The following TK2 variants were observed in gnomAD, a reference collection of about 807,000 sequenced individuals.
TK2 encodes thymidine kinase 2, mitochondrial.
In TK2, 35 loss-of-function variants were observed where a neutral mutation model predicts 41.9. The observed-to-expected ratio is 0.84, with a 90% CI of 0.64 to 1.11. The LOEUF is 1.11. TK2 is among the 50% of genes least tolerant of loss of function. The pLI is 0.00. For missense variants in TK2, 320 were observed against 351.1 expected (o/e 0.91, Z 0.71); for synonymous variants, 128 against 129.1 (o/e 0.99, Z 0.06).
intron 4 of TK2, among the ~76,000 whole-genome samples, chr16:66,534,932 C>T (rs1965228850): frequency 6.6e-6 from 1 of 152,238 alleles, no homozygotes; most frequent in Admixed American, 6.5e-5. Context: ...ATCCTCTGAT[C>T]TTGGCCTCCC....
At chr16:66,528,714 C>T (rs192868494) in intron 6 of TK2, among the ~76,000 whole-genome samples, 158 of 152,268 alleles carry the variant, frequency 1.0e-3, no homozygotes, top group African/African-American at 3.7e-3. Flanking sequence ...TCCAGTCACC[C>T]TTGCTTAGGC....
Position 66,517,313 on chromosome 16 carries a change from G to A in TK2, c.539-98C>T, listed in dbSNP as rs1344995137. 4.9e-6 allele frequency: 5 copies of A among 1,030,546 alleles called. No individual in the cohort carries two copies. Among genetic ancestry groups the A allele is most frequent in the African/African-American group, 1.6e-5 (1 of 63,554 alleles). The allele number at this position is 1,030,546 out of a possible 1,614,324, so 63.8% of individuals were successfully genotyped here. ...GGCGGGAGGAAGGTCTGCACAGCTC[G>A]AGCAGGAAGCAGGGAGGGCCAGCTC... On this transcript the variant is annotated intron_variant, in intron 7 of 9. Transcript: ENST00000544898. This position sits in a 1 kb window ranked among gnomAD's most constrained non-coding sequence, Gnocchi z 4.3.
In TK2 at chr16:66,535,990, G is replaced by A. The variant is rs140222995; in HGVS notation, c.285+974C>T. Among the ~76,000 whole-genome samples the A allele has an allele frequency of 1.4e-4, 22 of 152,132 alleles. No homozygotes were observed. In the East Asian group the frequency reaches 4.1e-3, roughly 28 times the overall value. ...GAGGCTGAGGTGGGTGGCTCATGAG[G>A]GTCAGGAGATGGAGACCATCCTGGC... On this transcript the variant is annotated intron_variant, in intron 4 of 9. Coordinates refer to ENST00000544898, the MANE Select transcript of TK2 (RefSeq NM_004614.5).
chr16:66,508,096 C>T lies in TK2; in HGVS notation c.*3872G>A, dbSNP rs1356879930. 1.3e-5 allele frequency: 2 copies of T among 152,138 alleles called. No homozygotes were observed. Among genetic ancestry groups the T allele is most frequent in the Non-Finnish European group, 2.9e-5 (2 of 68,034 alleles). 9.4% of individuals were successfully genotyped at this position (152,138 alleles called of 1,614,324 possible). On this transcript the variant is annotated 3_prime_UTR_variant, in exon 10 of 10. Coordinates refer to ENST00000544898, the MANE Select transcript of TK2 (RefSeq NM_004614.5). The stretch of plus-strand genomic sequence containing the variant: ...AATGATTAACCATCTCCCAGGACAC[C>T]TGTGTTCCACAGAGCCCAGTCTGGT...
chr16:66,535,942 C>T lies in TK2; in HGVS notation c.285+1022G>A, dbSNP rs529811559. On this transcript the variant is annotated intron_variant, in intron 4 of 9. Coordinates refer to ENST00000544898, the MANE Select transcript of TK2 (RefSeq NM_004614.5). Reference sequence around the variant, plus strand: ...GGGCATGGCCGGGCACAGTGGCTCACGCCCGTAATCCCAGCACTTTGGGAG... The same window carrying T: ...GGGCATGGCCGGGCACAGTGGCTCATGCCCGTAATCCCAGCACTTTGGGAG... Among the ~76,000 whole-genome samples the T allele has an allele frequency of 6.6e-5, 10 of 152,286 alleles. No homozygotes were observed. The South Asian group carries it at 2.1e-3, about 32-fold the overall frequency.
At chr16:66,549,214 G>A (rs984009750) in intron 1 of TK2, 5 of 1,436,502 alleles carry the variant, frequency 3.5e-6, no homozygotes, top group Admixed American at 2.9e-5. Context: ...CAGCTTCGTG[G>A]ACCCCCAGTG....
chr16:66,542,814 G>T (rs1175370984), intron 2 of TK2, among the ~76,000 whole-genome samples: 1 of 152,184 alleles, frequency 6.6e-6, no homozygotes, highest in East Asian at 1.9e-4. Flanking sequence ...ATCTCTACAG[G>T]GATGCCACAG....
chr16:66,511,799 G>A lies in TK2; in HGVS notation c.*169C>T. 2.9e-6 allele frequency: 2 copies of A among 681,448 alleles called. No homozygotes were observed. The highest frequency in any genetic ancestry group is 2.6e-6 in the Non-Finnish European group (1 of 378,372). The allele number at this position is 681,448 out of a possible 1,614,324, so 42.2% of individuals were successfully genotyped here. A position where few individuals can be genotyped will look rare whatever the true frequency, so the allele number is the denominator to read the frequency against. ...GGTCCCGTTTGTCATTTACCCACGA[G>A]GGCCAGAGACGCATGACAAAGACAC... is the stretch of plus-strand genomic sequence containing the variant. On this transcript the variant is annotated 3_prime_UTR_variant, in exon 10 of 10. Coordinates refer to ENST00000544898, the MANE Select transcript of TK2 (RefSeq NM_004614.5).
At position 66,510,120 on chromosome 16, in the gene TK2, G is replaced by A. The variant is rs1021485645; in HGVS notation, c.*1848C>T. 4.0e-5 allele frequency: 6 copies of A among 151,604 alleles called. No individual in the cohort carries two copies. Among genetic ancestry groups the A allele is most frequent in the African/African-American group, 7.3e-5 (3 of 41,238 alleles). 9.4% of individuals were successfully genotyped at this position (151,604 alleles called of 1,614,324 possible). A position where few individuals can be genotyped will look rare whatever the true frequency, so the allele number is the denominator to read the frequency against. On this transcript the variant is annotated 3_prime_UTR_variant, in exon 10 of 10. Coordinates refer to ENST00000544898, the MANE Select transcript of TK2 (RefSeq NM_004614.5). The stretch of plus-strand genomic sequence containing the variant: ...AGGAAGCACTTCAAAATCAACAACA[G>A]GGCTTAGGTGAAGGAGTTATTGGGT...
chr16:66,542,527 G>A (rs748838255), intron 2 of TK2, among the ~76,000 whole-genome samples: 20 of 152,190 alleles, frequency 1.3e-4, no homozygotes, highest in Admixed American at 3.9e-4. Flanking sequence ...ACCTGAGAAG[G>A]GTAAGTCCTA....
At chr16:66,549,163 G>A (rs1965700955) in intron 1 of TK2, 154 bp from the exon 2 acceptor site, 3 of 1,503,180 alleles carry the variant, frequency 2.0e-6, no homozygotes, top group African/African-American at 2.8e-5. Context: ...TTGGAGGCGC[G>A]CACCACCGTC....
At position 66,511,396 on chromosome 16, in the gene TK2, A is replaced by G. The variant is rs978870147; in HGVS notation, c.*572T>C. 5.2e-6 allele frequency: 1 copy of G among 193,578 alleles called. No individual in the cohort carries two copies. The highest frequency in any genetic ancestry group is 9.4e-5 in the South Asian group (1 of 10,676). 12.0% of individuals were successfully genotyped at this position (193,578 alleles called of 1,614,324 possible). A position where few individuals can be genotyped will look rare whatever the true frequency, so the allele number is the denominator to read the frequency against. ...TCCGCACACTGCCAGCTCTCCCCAA[A>G]GAGACATGAGAGCCTCCAACCGGAA... On this transcript the variant is annotated 3_prime_UTR_variant, in exon 10 of 10. Coordinates refer to ENST00000544898, the MANE Select transcript of TK2 (RefSeq NM_004614.5).
intron 6 of TK2, among the ~76,000 whole-genome samples, chr16:66,528,636 G>A (rs1345701146): frequency 6.6e-6 from 1 of 152,176 alleles, no homozygotes. Context: ...CGTGAGAAGT[G>A]GACACCTGGG....
intron 2 of TK2, among the ~76,000 whole-genome samples, chr16:66,543,233 C>A (rs998078662): frequency 2.0e-5 from 3 of 152,194 alleles, no homozygotes; most frequent in African/African-American, 7.2e-5. Flanking sequence ...AGGATGGGAA[C>A]CACGAGGCTG....
At position 66,508,722 on chromosome 16, in the gene TK2, C is replaced by A. The variant is rs1964362678; in HGVS notation, c.*3246G>T. ...CATGTCTGCAGGAAGATTGTTCTGA[C>A]TGATATATTCCCCAGGCGGGGGGAC... On this transcript the variant is annotated 3_prime_UTR_variant, in exon 10 of 10. Coordinates refer to ENST00000544898, the MANE Select transcript of TK2 (RefSeq NM_004614.5). The A allele has an allele frequency of 6.6e-6, 1 of 152,254 alleles. No individual in the cohort carries two copies. Among genetic ancestry groups the A allele is most frequent in the South Asian group, 2.1e-4 (1 of 4,832 alleles). 9.4% of individuals were successfully genotyped at this position (152,254 alleles called of 1,614,324 possible).
chr16:66,521,989 T>G (rs907454095), intron 6 of TK2, among the ~76,000 whole-genome samples: 1 of 152,184 alleles, frequency 6.6e-6, no homozygotes, highest in Non-Finnish European at 1.5e-5. Flanking sequence ...TTGTATACGT[T>G]ATTTCCTTTT....
rs1399728493 is a variant in TK2 at position 66,529,156 on chromosome 16, G to C, written c.376-89C>G. On this transcript the variant is annotated intron_variant, in intron 5 of 9. Coordinates refer to ENST00000544898, the MANE Select transcript of TK2 (RefSeq NM_004614.5). The stretch of plus-strand genomic sequence containing the variant: ...GAAATGTCTGTTACTCCCCCTGCCT[G>C]GGGACTTTGCTGAATATGAGAATCA... 3 of 1,252,272 alleles carry C rather than the reference G, an allele frequency of 2.4e-6. No individual in the cohort carries two copies. In the East Asian group the frequency reaches 6.9e-5, roughly 29 times the overall value. The allele number at this position is 1,252,272 out of a possible 1,614,324, so 77.6% of individuals were successfully genotyped here.
intron 1 of TK2, 182 bp downstream of exon 1, chr16:66,549,756 G>A: frequency 5.5e-6 from 7 of 1,277,358 alleles, no homozygotes; most frequent in Non-Finnish European, 6.9e-6. Context: ...CGCCCCCAGC[G>A]CTCGCTGCGG....
At chr16:66,516,428 C>T (rs965434564) in intron 8 of TK2, among the ~76,000 whole-genome samples, 2 of 152,116 alleles carry the variant, frequency 1.3e-5, no homozygotes, top group Non-Finnish European at 2.9e-5. Context: ...AGCCGTATTA[C>T]AAAGTGGGGA....
Sources: allele counts gnomAD v4.1 joint callset (sites outside exome capture counted in the v4.1 genomes callset), GRCh38; gene constraint gnomAD v4.1.1; non-coding constraint Gnocchi (gnomAD v3.1); transcripts MANE v1.5; gene names NCBI Gene and HGNC (gene_info 2026-07-23, HGNC 2026-07-21).